Variants in ACSM1 observed in about 807,000 individuals in gnomAD.
The protein encoded by ACSM1 is acyl-CoA synthetase medium chain family member 1, also known as acyl-coenzyme A synthetase ACSM1, mitochondrial.
A neutral mutation model predicts 75.8 loss-of-function variants in ACSM1; 79 were observed. The ratio of observed to expected loss-of-function variants is 1.04; its 90% CI spans 0.87 to 1.26. The LOEUF is 1.26. Ranked by LOEUF, ACSM1 falls within the 50% of genes most tolerant of loss-of-function variation. The pLI is 0.00. For synonymous variants in ACSM1, 279 were observed against 265.8 expected, an observed-to-expected ratio of 1.05 and a Z score of -0.48; for missense variants, 676 against 720.1, an observed-to-expected ratio of 0.94 and a Z score of 0.70.
At position 20,659,436 on chromosome 16, in the gene ACSM1, A is replaced by G. The variant is rs1055263453; in HGVS notation, c.992+2358T>C. On this transcript the variant is annotated intron_variant, in intron 7 of 13. Transcript: ENST00000520010. ...CTCTGATTTTTACAATCTTGCCCAA[A>G]TTCCTATCTAAGGTGCCTGGGGAGT... Among the ~76,000 whole-genome samples, 10 of 152,116 alleles carry G rather than the reference A, an allele frequency of 6.6e-5. No individual in the cohort carries two copies. In the East Asian group the frequency reaches 9.6e-4, roughly 15 times the overall value.
intron 4 of ACSM1, among the ~76,000 whole-genome samples, chr16:20,672,471 A>AAAAAAAAAAAAAAATATAT (rs1555473775): frequency 3.1e-5 from 2 of 64,570 alleles, no homozygotes; most frequent in Non-Finnish European, 5.3e-5. Flanking sequence ...AAAAAAAAAA[A>AAAAAAAAAAAAAAATATAT]ATATATATAT....
chr16:20,683,711 C>CTT (rs2079494252), intron 3 of ACSM1, among the ~76,000 whole-genome samples: 1 of 66,170 alleles, frequency 1.5e-5, no homozygotes, highest in African/African-American at 3.6e-5. Context: ...TTCTCTCTCT[C>CTT]TCTCTCTTTC....
chr16:20,668,830 T>G (rs16970500), intron 6 of ACSM1, among the ~76,000 whole-genome samples: 23,733 of 152,172 alleles, frequency 0.16, 2,256 homozygotes, highest in East Asian at 0.5. Context: ...GTTGACCCAG[T>G]GTGTAGCAGG....
chr16:20,639,784 C>T (rs562911825), intron 8 of ACSM1, among the ~76,000 whole-genome samples: 1 of 152,254 alleles, frequency 6.6e-6, no homozygotes, highest in African/African-American at 2.4e-5. Flanking sequence ...TCGCTGAGCA[C>T]ATCATGACTA....
At position 20,648,046 on chromosome 16, in the gene ACSM1, G is replaced by A. The variant is rs2018456346; in HGVS notation, c.993-7462C>T. On this transcript the variant is annotated intron_variant, in intron 7 of 13. Transcript: ENST00000520010. This position sits in a 1 kb window ranked among gnomAD's most constrained non-coding sequence, Gnocchi z 4.2. ...ACTTTGCAGCCTCCACAGTCGCGATGGCCCCCTGCTCCCACTTTACTTCTC... is the reference window on the plus strand; with the variant it reads ...ACTTTGCAGCCTCCACAGTCGCGATAGCCCCCTGCTCCCACTTTACTTCTC... Among the ~76,000 whole-genome samples, 1 of 152,128 alleles carries A rather than the reference G, an allele frequency of 6.6e-6. No individual in the cohort carries two copies. The highest frequency in any genetic ancestry group is 6.5e-5 in the Admixed American group (1 of 15,274).
chr16:20,695,303 C>T (rs1036046779), intron 1 of ACSM1, among the ~76,000 whole-genome samples: 1 of 152,186 alleles, frequency 6.6e-6, no homozygotes. Flanking sequence ...TTGGCAGCAC[C>T]TATTGCCTGA....
chr16:20,627,074 C>T (rs75692301), intron 11 of ACSM1, 115 bp downstream of exon 11: 13,750 of 1,360,556 alleles, frequency 0.01, 83 homozygotes, highest in Non-Finnish European at 0.012. Flanking sequence ...ATAGACACGG[C>T]TCTATTCAGA....
chr16:20,670,024 T>C lies in ACSM1; in HGVS notation c.753-38A>G, dbSNP rs776507870. ...TGCAGTGGCCTCAGCTGTGTGATCA[T>C]GGCTGATGTGATGAAGGGCTGTGCA... is the stretch of plus-strand genomic sequence containing the variant. On this transcript the variant is annotated intron_variant, in intron 5 of 13. Coordinates refer to ENST00000520010, the MANE Select transcript of ACSM1 (RefSeq NM_001318890.3). 24 of 1,606,324 alleles carry C rather than the reference T, an allele frequency of 1.5e-5. No individual in the cohort carries two copies. In the Admixed American group the frequency reaches 1.5e-4, roughly 10 times the overall value.
At chr16:20,681,443 G>A (rs1239161716) in intron 4 of ACSM1, 1 of 152,142 alleles carries the variant, frequency 6.6e-6, no homozygotes, top group African/African-American at 2.4e-5. Context: ...TTCTTTGTTT[G>A]GAGGATGGTT....
chr16:20,695,680 CATCTATCT>C (rs35535609), intron 1 of ACSM1, among the ~76,000 whole-genome samples: 2 of 150,910 alleles, frequency 1.3e-5, no homozygotes, highest in African/African-American at 4.9e-5. Context: ...ATCTATCTAT[CATCTATCT>C]ATCTATCTAT....
At chr16:20,682,986 C>A (rs986812169) in intron 3 of ACSM1, among the ~76,000 whole-genome samples, 1 of 152,148 alleles carries the variant, frequency 6.6e-6, no homozygotes. Flanking sequence ...TGAGCTCAAG[C>A]CTTTGTGTTT....
intron 7 of ACSM1, among the ~76,000 whole-genome samples, chr16:20,660,209 C>A (rs923717497): frequency 2.3e-4 from 35 of 152,104 alleles, no homozygotes; most frequent in African/African-American, 8.5e-4. Context: ...GTCCCTTTTT[C>A]CCATGAAATT....
At chr16:20,679,196 A>C (rs991003803) in intron 4 of ACSM1, 1 of 152,258 alleles carries the variant, frequency 6.6e-6, no homozygotes, top group Non-Finnish European at 1.5e-5. Flanking sequence ...TAGCTGGCTG[A>C]AACTAGCAGC....
chr16:20,661,144 G>A (rs1172440910), intron 7 of ACSM1, among the ~76,000 whole-genome samples: 12 of 152,034 alleles, frequency 7.9e-5, no homozygotes, highest in Non-Finnish European at 1.0e-4. Context: ...GCCTCAAAGC[G>A]AAAACTACAG....
chr16:20,660,042 T>C (rs1247123265), intron 7 of ACSM1, among the ~76,000 whole-genome samples: 1 of 152,214 alleles, frequency 6.6e-6, no homozygotes, highest in East Asian at 1.9e-4. Flanking sequence ...CCTGACCACC[T>C]TGGGCACATG....
chr16:20,685,736 C>G (rs551467775), intron 2 of ACSM1, among the ~76,000 whole-genome samples: 2 of 148,126 alleles, frequency 1.4e-5, no homozygotes, highest in Non-Finnish European at 3.0e-5. Flanking sequence ...AGGAGAATTG[C>G]TTGAACCCAG....
chr16:20,697,206 G>A (rs959208574), intron 1 of ACSM1, among the ~76,000 whole-genome samples: 17 of 152,072 alleles, frequency 1.1e-4, no homozygotes, highest in African/African-American at 4.1e-4. Context: ...TCAAGTACCT[G>A]GGACCACAGG....
At chr16:20,641,048 A>G (rs2018027383) in intron 7 of ACSM1, among the ~76,000 whole-genome samples, 1 of 152,190 alleles carries the variant, frequency 6.6e-6, no homozygotes. Context: ...TGAATGGGGA[A>G]TGCATGTTAG....
At position 20,644,538 on chromosome 16, in the gene ACSM1, AACACACACACACAC is replaced by A. The variant is rs56275246; in HGVS notation, c.993-3968_993-3955del. Among the ~76,000 whole-genome samples, 566 of 145,118 alleles carry A rather than the reference AACACACACACACAC, an allele frequency of 3.9e-3. 2 individuals carry two copies. The highest frequency in any genetic ancestry group is 0.014 in the African/African-American group (537 of 39,622). ...GATGGCTCCTCCCATGTGATTGAGG[AACACACACACACAC>A]ACACACACACACACACACACACACA... On this transcript the variant is annotated intron_variant, in intron 7 of 13. Transcript: ENST00000520010.
Sources: gnomAD v4.1 joint callset for allele counts (sites outside exome capture counted in the v4.1 genomes callset) on GRCh38, gnomAD v4.1.1 for gene constraint, Gnocchi (gnomAD v3.1) non-coding constraint, MANE v1.5 for transcripts, NCBI Gene and HGNC (gene_info 2026-07-23, HGNC 2026-07-21) for gene names.